Variants in CYTH1 observed in about 807,000 individuals in gnomAD.
CYTH1 encodes cytohesin-1.
Under a neutral mutation model 61.8 loss-of-function variants are expected in CYTH1, and 18 were observed. That is an observed-to-expected ratio of 0.29 (90% CI 0.20 to 0.43). The LOEUF (loss-of-function observed/expected upper bound fraction) is 0.43. Among genes scored for constraint, CYTH1 ranks in the 20% least tolerant of loss-of-function variants. The pLI, the probability that CYTH1 is intolerant of heterozygous loss-of-function variation, is 1.00. For missense variants in CYTH1, 336 were observed against 510.5 expected, an observed-to-expected ratio of 0.66 and a Z score of 3.29; for synonymous variants, 174 against 184.3, an observed-to-expected ratio of 0.94 and a Z score of 0.45.
chr17:78,760,752 T>G (rs2093425712), intron 1 of CYTH1, among the ~76,000 whole-genome samples: 1 of 151,642 alleles, frequency 6.6e-6, no homozygotes, highest in Non-Finnish European at 1.5e-5. Context: ...ATACTTATCT[T>G]TCTAAAAGTT....
At chr17:78,684,509 C>T (rs147796532) in intron 11 of CYTH1, among the ~76,000 whole-genome samples, 8 of 152,322 alleles carry the variant, frequency 5.3e-5, no homozygotes, top group African/African-American at 1.4e-4. Flanking sequence ...CCGAGGCCAA[C>T]GTCTTTGGCT....
rs754422450 is a variant in CYTH1, at chr17:78,702,130, T to G, written c.348A>C (p.Leu116=). 26 of 1,613,384 alleles carry G rather than the reference T, an allele frequency of 1.6e-5. No homozygotes were observed. In the East Asian group the frequency reaches 5.8e-4, roughly 36 times the overall value. The change falls in exon 5 of 14, where the codon CTA becomes CTC. Residue 116 remains leucine (L), a synonymous_variant. Transcript: ENST00000446868. ...GLNKTAIGDY[L]GERDEFNIQV... is the part of the protein sequence containing the mutation. ...AATCCCCAAGGCCTTACCTCTCCCC[T>G]AGGTAGTCGCCGATGGCTGTCTTGT...
At chr17:78,735,592 C>T (rs2093316729) in intron 1 of CYTH1, among the ~76,000 whole-genome samples, 1 of 152,234 alleles carries the variant, frequency 6.6e-6, no homozygotes, top group Admixed American at 6.5e-5. Context: ...CCCACGCGTG[C>T]TGCAGCTTTC....
chr17:78,743,878 T>C (rs2093350439), intron 1 of CYTH1, among the ~76,000 whole-genome samples: 1 of 152,200 alleles, frequency 6.6e-6, no homozygotes, highest in Non-Finnish European at 1.5e-5. Context: ...GCCTATAGAT[T>C]GATGTGTGGC....
intron 1 of CYTH1, among the ~76,000 whole-genome samples, chr17:78,761,854 G>A (rs888186118): frequency 1.2e-4 from 19 of 152,216 alleles, no homozygotes; most frequent in African/African-American, 4.6e-4. Flanking sequence ...CAAAGCAAGA[G>A]CAGGAAAGGG....
intron 1 of CYTH1, among the ~76,000 whole-genome samples, chr17:78,739,989 G>A (rs1040714634): frequency 1.1e-4 from 16 of 152,040 alleles, no homozygotes; most frequent in Non-Finnish European, 1.8e-4. Context: ...AGGCTGAAGC[G>A]CAGTGGCGCG....
At chr17:78,706,986 T>C (rs1055272849) in intron 3 of CYTH1, among the ~76,000 whole-genome samples, 19 of 152,272 alleles carry the variant, frequency 1.2e-4, no homozygotes, top group Non-Finnish European at 1.8e-4. Flanking sequence ...TGCCTGTTCA[T>C]TTCTTTTAAT....
At chr17:78,711,708 T>C (rs1294182858) in intron 1 of CYTH1, among the ~76,000 whole-genome samples, 1 of 137,990 alleles carries the variant, frequency 7.2e-6, no homozygotes, top group Non-Finnish European at 1.6e-5. Context: ...GACTTTTCCT[T>C]TTTTTTTTTT....
intron 10 of CYTH1, among the ~76,000 whole-genome samples, chr17:78,694,253 A>T (rs1239424011): frequency 2.0e-5 from 3 of 152,202 alleles, no homozygotes; most frequent in Non-Finnish European, 2.9e-5. Context: ...CAAGATTCCA[A>T]ATGACACAGA....
chr17:78,709,889 A>G (rs138877525), intron 1 of CYTH1, among the ~76,000 whole-genome samples, 157 bp from the exon 2 acceptor site: 3 of 152,270 alleles, frequency 2.0e-5, no homozygotes, highest in African/African-American at 7.2e-5. Flanking sequence ...TCCAATTCTT[A>G]TCAGATTTCT....
At chr17:78,730,757 T>C (rs1469060588) in intron 1 of CYTH1, among the ~76,000 whole-genome samples, 3 of 151,630 alleles carry the variant, frequency 2.0e-5, no homozygotes, top group Admixed American at 6.6e-5. Context: ...CTCCGCCTCC[T>C]GGGTTCACGC....
rs561187954 is a variant in CYTH1 at position 78,676,684 on chromosome 17, A to G, written c.1119-515T>C. Reference sequence around the variant, plus strand: ...CATGACTCTGCAGGCGGCACTGCCCAGCACGATGCTGCTGGTGGGGCACCA... The same window carrying G: ...CATGACTCTGCAGGCGGCACTGCCCGGCACGATGCTGCTGGTGGGGCACCA... On this transcript the variant is annotated intron_variant, in intron 13 of 13. Coordinates refer to ENST00000446868, the MANE Select transcript of CYTH1 (RefSeq NM_004762.6). The G allele has an allele frequency of 5.4e-4, 169 of 315,680 alleles. 1 individual carries two copies. The highest frequency in any genetic ancestry group is 3.5e-3 in the African/African-American group (160 of 45,622). The allele number at this position is 315,680 out of a possible 1,614,324, so 19.6% of individuals were successfully genotyped here. A position where few individuals can be genotyped will look rare whatever the true frequency, so the allele number is the denominator to read the frequency against.
intron 1 of CYTH1, among the ~76,000 whole-genome samples, chr17:78,739,911 G>T (rs2093335491): frequency 1.3e-5 from 2 of 148,352 alleles, no homozygotes; most frequent in South Asian, 4.4e-4. Flanking sequence ...TTCTGGCCTG[G>T]CAAGTGAAAG....
At chr17:78,762,555 C>G (rs1187435877) in intron 1 of CYTH1, among the ~76,000 whole-genome samples, 1 of 152,178 alleles carries the variant, frequency 6.6e-6, no homozygotes, top group East Asian at 1.9e-4. Context: ...ATGTCCTAAT[C>G]ACTGGAACCT....
rs918662243 is a variant in CYTH1 at position 78,701,574 on chromosome 17, A to G, written c.437+97T>C. 4.5e-6 allele frequency: 5 copies of G among 1,119,964 alleles called. No individual in the cohort carries two copies. In the African/African-American group the frequency reaches 7.8e-5, roughly 18 times the overall value. 69.4% of individuals were successfully genotyped at this position (1,119,964 alleles called of 1,614,324 possible). On this transcript the variant is annotated intron_variant, in intron 6 of 13. Coordinates refer to ENST00000446868, the MANE Select transcript of CYTH1 (RefSeq NM_004762.6). ...ACTTCAAAATATTCAAATCATACCC[A>G]AAGATATAATTTCAATAAAATGCCC... is the stretch of plus-strand genomic sequence containing the variant.
At chr17:78,728,483 G>C (rs1330682260) in intron 1 of CYTH1, among the ~76,000 whole-genome samples, 4 of 152,038 alleles carry the variant, frequency 2.6e-5, no homozygotes, top group Admixed American at 2.6e-4. Context: ...GGGAGGCAGA[G>C]GTTGCAGTGA....
chr17:78,707,070 T>G (rs546635161), intron 3 of CYTH1, among the ~76,000 whole-genome samples: 1 of 152,344 alleles, frequency 6.6e-6, no homozygotes, highest in South Asian at 2.1e-4. Context: ...TCCGTTTCAT[T>G]TAAGCTACGA....
At chr17:78,733,560 C>G (rs886980275) in intron 1 of CYTH1, among the ~76,000 whole-genome samples, 1 of 152,252 alleles carries the variant, frequency 6.6e-6, no homozygotes. Context: ...TTAAACAGCT[C>G]CAGTCCCTGG....
chr17:78,675,631 T>TA lies in CYTH1; in HGVS notation c.*459dup, dbSNP rs59964250. The TA allele has an allele frequency of 0.012, 3,152 of 256,654 alleles. 6 individuals are homozygous for TA. Among genetic ancestry groups the TA allele is most frequent in the Middle Eastern group, 0.03 (27 of 906 alleles). 15.9% of individuals were successfully genotyped at this position (256,654 alleles called of 1,614,324 possible). A position where few individuals can be genotyped will look rare whatever the true frequency, so the allele number is the denominator to read the frequency against. On this transcript the variant is annotated 3_prime_UTR_variant, in exon 14 of 14. Transcript: ENST00000446868. ...ACCTGAACAGCCCTACGTTCTCTCT[T>TA]AAAAAAAAAAAAATAGATCTTTATA... is the stretch of plus-strand genomic sequence containing the variant.
Sources: allele counts gnomAD v4.1 joint callset (sites outside exome capture counted in the v4.1 genomes callset), GRCh38; gene constraint gnomAD v4.1.1; transcripts MANE v1.5; gene names NCBI Gene and HGNC (gene_info 2026-07-23, HGNC 2026-07-21).